The following TENM2 variants were observed in gnomAD, a reference collection of about 807,000 sequenced individuals.
TENM2 encodes teneurin-2.
In TENM2, 52 loss-of-function variants were observed where a neutral mutation model predicts 245.2. That is an observed-to-expected ratio of 0.21 (90% CI 0.17 to 0.27). The LOEUF (loss-of-function observed/expected upper bound fraction) is 0.27. Among genes scored for constraint, TENM2 ranks in the 10% least tolerant of loss-of-function variants. The pLI is 1.00. For missense variants in TENM2, 3,046 were observed against 3,666.8 expected (o/e 0.83, Z 4.37); for synonymous variants, 1,363 against 1,438.9 (o/e 0.95, Z 1.19).
chr5:167,699,692 T>G (rs1439602227), intron 2 of TENM2, among the ~76,000 whole-genome samples: 1 of 152,200 alleles, frequency 6.6e-6, no homozygotes, highest in Non-Finnish European at 1.5e-5. Flanking sequence ...CTTAAGTGGC[T>G]TCTGAATCGA....
chr5:168,039,637 A>G (rs968309559), intron 5 of TENM2, among the ~76,000 whole-genome samples: 1 of 152,122 alleles, frequency 6.6e-6, no homozygotes, highest in African/African-American at 2.4e-5. Flanking sequence ...GCTTGTGTTT[A>G]TCTGCATGAG....
intron 2 of TENM2, among the ~76,000 whole-genome samples, chr5:167,425,090 G>C (rs907454964): frequency 6.6e-6 from 1 of 152,198 alleles, no homozygotes; most frequent in African/African-American, 2.4e-5. Context: ...TTTGGTTATA[G>C]TACCTGCTTT....
chr5:167,975,671 TAAG>T (rs767720973), intron 4 of TENM2, among the ~76,000 whole-genome samples: 5 of 152,116 alleles, frequency 3.3e-5, no homozygotes, highest in Non-Finnish European at 5.9e-5. Context: ...GAGTTCTAAA[TAAG>T]AAGAAAATAT....
At chr5:167,105,217 G>T in the TENM2 span, among the ~76,000 whole-genome samples, 1 of 152,156 alleles carries the variant, frequency 6.6e-6, no homozygotes, top group African/African-American at 2.4e-5. Context: ...TGACTTAAGA[G>T]GCTAAATTCT....
intron 2 of TENM2, among the ~76,000 whole-genome samples, chr5:167,415,523 A>G (rs1376106526): frequency 1.3e-5 from 2 of 152,124 alleles, no homozygotes; most frequent in Non-Finnish European, 1.5e-5. Flanking sequence ...CCATTCTTGA[A>G]TGGCTTACTT....
At chr5:168,165,493 C>CT (rs1267084439) in intron 13 of TENM2, among the ~76,000 whole-genome samples, 4 of 152,080 alleles carry the variant, frequency 2.6e-5, no homozygotes, top group Non-Finnish European at 4.4e-5. Flanking sequence ...CCAGCATACC[C>CT]TGCCTTACCC....
At chr5:168,062,460 G>A (rs949848224) in intron 7 of TENM2, among the ~76,000 whole-genome samples, 195 bp downstream of exon 9, 6 of 152,076 alleles carry the variant, frequency 3.9e-5, no homozygotes, top group African/African-American at 1.2e-4. Context: ...AGCTGTTGTG[G>A]AAAAGAGACA....
chr5:167,525,432 A>G lies in TENM2; in HGVS notation c.502+149959A>G, dbSNP rs192306093. Among the ~76,000 whole-genome samples the G allele has an allele frequency of 2.6e-5, 4 of 152,274 alleles. No individual in the cohort carries two copies. In the East Asian group the frequency reaches 7.7e-4, roughly 29 times the overall value. On this transcript the variant is annotated intron_variant, in intron 2 of 28. Transcript: ENST00000518659. ...CTCCACGTACCAACCTAAGCACTCTATTCCAAGAACCAAGGAGCAACATAT... is the reference window on the plus strand; with the variant it reads ...CTCCACGTACCAACCTAAGCACTCTGTTCCAAGAACCAAGGAGCAACATAT...
At chr5:167,805,451 A>G (rs1185668918) in intron 2 of TENM2, among the ~76,000 whole-genome samples, 1 of 152,062 alleles carries the variant, frequency 6.6e-6, no homozygotes, top group Non-Finnish European at 1.5e-5. Context: ...GCTCTTTAAA[A>G]CTATAAGTCC....
At chr5:167,599,822 A>T (rs1776482948) in intron 2 of TENM2, among the ~76,000 whole-genome samples, 1 of 152,134 alleles carries the variant, frequency 6.6e-6, no homozygotes, top group South Asian at 2.1e-4. Context: ...TGTGGAGTAT[A>T]AAAGCACAGT....
At chr5:167,571,853 T>G (rs1774285181) in intron 2 of TENM2, among the ~76,000 whole-genome samples, 1 of 152,170 alleles carries the variant, frequency 6.6e-6, no homozygotes, top group African/African-American at 2.4e-5. Flanking sequence ...AAAGTAAATT[T>G]TAACTGTAGA....
At chr5:168,101,006 T>C (rs1793771382) in intron 9 of TENM2, among the ~76,000 whole-genome samples, 1 of 151,464 alleles carries the variant, frequency 6.6e-6, no homozygotes, top group African/African-American at 2.4e-5. Context: ...GACAGCTCTC[T>C]GGGCTGTGCC....
At chr5:167,398,398 CTTTCTTTCTTTCTT>C (rs1561923427) in intron 2 of TENM2, among the ~76,000 whole-genome samples, 5 of 133,920 alleles carry the variant, frequency 3.7e-5, no homozygotes, top group Admixed American at 1.5e-4. Flanking sequence ...TTCTTTCTTT[CTTTCTTTCTTTCTT>C]TCTCTCTCTC....
intron 2 of TENM2, among the ~76,000 whole-genome samples, chr5:167,738,508 A>T (rs961646324): frequency 6.6e-6 from 1 of 152,212 alleles, no homozygotes; most frequent in Non-Finnish European, 1.5e-5. Context: ...CACAATGTGG[A>T]TTCTTCTTCA....
chr5:167,212,739 T>C, the TENM2 span, among the ~76,000 whole-genome samples: 2 of 152,188 alleles, frequency 1.3e-5, no homozygotes, highest in Non-Finnish European at 2.9e-5. Flanking sequence ...CCAGCTCGGA[T>C]TTTCAAAAGG....
chr5:167,769,592 G>A (rs1023629), intron 2 of TENM2, among the ~76,000 whole-genome samples: 21,720 of 152,062 alleles, frequency 0.14, 2,249 homozygotes, highest in African/African-American at 0.28. Flanking sequence ...CTTTTCCCCA[G>A]TAGAAAATTG....
chr5:167,434,345 C>T lies in TENM2; in HGVS notation c.502+58872C>T, dbSNP rs146600034. On this transcript the variant is annotated intron_variant, in intron 2 of 28. Coordinates refer to ENST00000518659, the Ensembl canonical transcript of TENM2. ...AGGAGAATCGATTGAACCCGGGAGG[C>T]AGAGGTTGCAGTGAGCTGAGATGTG... 4.0e-3 allele frequency among the ~76,000 whole-genome samples: 534 copies of T among 132,714 alleles called. 3 individuals carry two copies. The highest frequency in any genetic ancestry group is 0.028 in the East Asian group (118 of 4,216). The allele number at this position is 132,714 out of a possible 152,430, so 87.1% of individuals were successfully genotyped here.
intron 9 of TENM2, among the ~76,000 whole-genome samples, chr5:168,105,005 AG>A (rs1794128898): frequency 6.6e-6 from 1 of 152,228 alleles, no homozygotes; most frequent in Non-Finnish European, 1.5e-5. Context: ...TTGTATTAAA[AG>A]CAAGGGGGTA....
At chr5:167,718,441 C>T (rs1021692148) in intron 2 of TENM2, among the ~76,000 whole-genome samples, 4 of 152,186 alleles carry the variant, frequency 2.6e-5, no homozygotes, top group Admixed American at 1.3e-4. Context: ...CCACTGTCCT[C>T]TCTGCCTCCC....
Sources: gnomAD v4.1 joint callset for allele counts (sites outside exome capture counted in the v4.1 genomes callset) on GRCh38, gnomAD v4.1.1 for gene constraint, MANE v1.5 for transcripts, NCBI Gene and HGNC (gene_info 2026-07-23, HGNC 2026-07-21) for gene names.